The following DEUP1 variants were observed in gnomAD, a reference collection of about 807,000 sequenced individuals.
DEUP1 encodes the protein coiled-coil domain containing 67.
A neutral mutation model predicts 87.4 loss-of-function variants in DEUP1; 82 were observed. That is an observed-to-expected ratio of 0.94 (90% CI 0.78 to 1.13). The LOEUF (loss-of-function observed/expected upper bound fraction) is 1.13. Among genes scored for constraint, DEUP1 ranks in the 50% most tolerant of loss-of-function variants. DEUP1 has a pLI of 0.00. For synonymous variants in DEUP1, 214 were observed against 222.7 expected (o/e 0.96, Z 0.35); for missense variants, 663 against 681.5 (o/e 0.97, Z 0.30).
chr11:93,427,917 C>G (rs1237125534), intron 13 of DEUP1, among the ~76,000 whole-genome samples: 1 of 147,702 alleles, frequency 6.8e-6, no homozygotes, highest in Non-Finnish European at 1.5e-5. Context: ...ATCAAAACCA[C>G]AATGAGATAC....
At chr11:93,392,377 G>T (rs560940184) in intron 9 of DEUP1, among the ~76,000 whole-genome samples, 7 of 152,278 alleles carry the variant, frequency 4.6e-5, no homozygotes, top group African/African-American at 7.2e-5. Flanking sequence ...GAAAAGTTAT[G>T]CACCTTAATT....
chr11:93,416,611 C>G (rs977427340), intron 13 of DEUP1, among the ~76,000 whole-genome samples: 1 of 151,770 alleles, frequency 6.6e-6, no homozygotes, highest in African/African-American at 2.4e-5. Context: ...CAAGGAGGAA[C>G]TGGTACCATT....
At chr11:93,372,220 G>A (rs1000233744) in intron 7 of DEUP1, among the ~76,000 whole-genome samples, 4 of 152,222 alleles carry the variant, frequency 2.6e-5, no homozygotes, top group Admixed American at 6.5e-5. Context: ...GAGCCACCGC[G>A]CCCGGCCCAA....
rs118189225 is a variant in DEUP1, at chr11:93,358,205, C to T, written c.297+1162C>T. ...TCACTGCTTTCCAAATCTTTCATTT[C>T]TGTTTGGGTATGTTTTCATCGTGTT... On this transcript the variant is annotated intron_variant, in intron 4 of 13. Transcript: ENST00000298050. 8.3e-3 allele frequency among the ~76,000 whole-genome samples: 1,265 copies of T among 152,236 alleles called. 7 individuals are homozygous for T. The highest frequency in any genetic ancestry group is 0.016 in the Admixed American group (244 of 15,298).
At chr11:93,402,510 A>G (rs1431471501) in intron 11 of DEUP1, among the ~76,000 whole-genome samples, 1 of 151,988 alleles carries the variant, frequency 6.6e-6, no homozygotes, top group Admixed American at 6.6e-5. Context: ...TACTGGGTAT[A>G]TATCCAAAAG....
intron 13 of DEUP1, among the ~76,000 whole-genome samples, chr11:93,433,263 C>T (rs2134512414): frequency 6.6e-6 from 1 of 152,318 alleles, no homozygotes; most frequent in Non-Finnish European, 1.5e-5. Context: ...CTGTGGCTCA[C>T]ACCTACAATC....
At chr11:93,340,642 G>A (rs1944022570) in intron 2 of DEUP1, among the ~76,000 whole-genome samples, 1 of 152,220 alleles carries the variant, frequency 6.6e-6, no homozygotes, top group Non-Finnish European at 1.5e-5. Flanking sequence ...TGTGGGAGAT[G>A]ACAGTAGATC....
intron 2 of DEUP1, among the ~76,000 whole-genome samples, chr11:93,338,083 A>G (rs945237298): frequency 6.6e-6 from 1 of 152,142 alleles, no homozygotes; most frequent in Admixed American, 6.6e-5. Flanking sequence ...CATGAATATT[A>G]CAGATATGTG....
chr11:93,361,464 A>T (rs972593846), intron 4 of DEUP1, among the ~76,000 whole-genome samples: 1 of 152,134 alleles, frequency 6.6e-6, no homozygotes, highest in African/African-American at 2.4e-5. Context: ...TTTTCAGTAT[A>T]TGTACAGGAA....
At chr11:93,394,349 T>A in intron 9 of DEUP1, 110 bp from the exon 10 acceptor site, 1 of 679,180 alleles carries the variant, frequency 1.5e-6, no homozygotes, top group East Asian at 2.8e-5. Context: ...GAGGGTGAAG[T>A]GGGCCCTGAC....
At chr11:93,382,392 T>A (rs1480908724) in intron 7 of DEUP1, among the ~76,000 whole-genome samples, 1 of 152,234 alleles carries the variant, frequency 6.6e-6, no homozygotes, top group Non-Finnish European at 1.5e-5. Context: ...TCATTATTAC[T>A]CATTTGTATT....
At chr11:93,411,859 T>G (rs1362761208) in intron 12 of DEUP1, among the ~76,000 whole-genome samples, 3 of 152,192 alleles carry the variant, frequency 2.0e-5, no homozygotes, top group Non-Finnish European at 4.4e-5. Context: ...GTCTAGCTAA[T>G]AAATTAAGAG....
intron 2 of DEUP1, among the ~76,000 whole-genome samples, chr11:93,347,316 C>T (rs1293600941): frequency 6.6e-6 from 1 of 152,120 alleles, no homozygotes. Context: ...TGGTGAATCA[C>T]ATTTATTGAC....
At chr11:93,376,205 AAGCGCT>A (rs1946032602) in intron 7 of DEUP1, among the ~76,000 whole-genome samples, 1 of 152,148 alleles carries the variant, frequency 6.6e-6, no homozygotes, top group African/African-American at 2.4e-5. Flanking sequence ...TGGCCTGCCA[AAGCGCT>A]GGCATTACAG....
In DEUP1 at chr11:93,396,341, C is replaced by T; in HGVS notation, c.1326+16C>T. 7.0e-7 allele frequency: 1 copy of T among 1,419,228 alleles called. No individual in the cohort carries two copies. Among genetic ancestry groups the T allele is most frequent in the Non-Finnish European group, 9.6e-7 (1 of 1,038,486 alleles). The allele number at this position is 1,419,228 out of a possible 1,614,324, so 87.9% of individuals were successfully genotyped here. A position where few individuals can be genotyped will look rare whatever the true frequency, so the allele number is the denominator to read the frequency against. Reference sequence around the variant, plus strand: ...AGAATACATGGTAATATGCTGACATCATTCAATAAATTGAACAAAGAGATT... The same window carrying T: ...AGAATACATGGTAATATGCTGACATTATTCAATAAATTGAACAAAGAGATT... On this transcript the variant is annotated intron_variant, in intron 11 of 13. Transcript: ENST00000298050.
intron 2 of DEUP1, among the ~76,000 whole-genome samples, chr11:93,336,824 T>C (rs1943790799): frequency 6.6e-6 from 1 of 152,210 alleles, no homozygotes; most frequent in African/African-American, 2.4e-5. Context: ...ATCTAGTTGG[T>C]TTGCTACTTG....
chr11:93,403,625 T>C (rs904188816), intron 11 of DEUP1, among the ~76,000 whole-genome samples: 1 of 151,830 alleles, frequency 6.6e-6, no homozygotes, highest in Non-Finnish European at 1.5e-5. Context: ...CATTTAAAAA[T>C]ATTGGCTTTT....
chr11:93,380,743 T>G (rs1946267831), intron 7 of DEUP1, among the ~76,000 whole-genome samples: 1 of 152,154 alleles, frequency 6.6e-6, no homozygotes, highest in African/African-American at 2.4e-5. Flanking sequence ...TTTATACTGA[T>G]TTCTATGAGG....
chr11:93,346,309 C>T (rs1257551604), intron 2 of DEUP1, among the ~76,000 whole-genome samples: 7 of 152,120 alleles, frequency 4.6e-5, no homozygotes, highest in East Asian at 1.9e-4. Context: ...CTGCAACCTC[C>T]GCCTTCCAGG....
Sources: allele counts gnomAD v4.1 joint callset (sites outside exome capture counted in the v4.1 genomes callset), GRCh38; gene constraint gnomAD v4.1.1; transcripts MANE v1.5; gene names NCBI Gene and HGNC (gene_info 2026-07-23, HGNC 2026-07-21).